KALRN: variants seen among roughly 807,000 people sequenced by gnomAD.
The protein encoded by KALRN is kalirin.
KALRN carries 70 observed loss-of-function variants against 353.7 expected under a neutral mutation model. The observed-to-expected ratio is 0.20, with a 90% CI of 0.16 to 0.24. The LOEUF is 0.24. Among genes scored for constraint, KALRN ranks in the 10% least tolerant of loss-of-function variants. The pLI, the probability that KALRN is intolerant of heterozygous loss-of-function variation, is 1.00. For synonymous variants in KALRN, 1,391 were observed against 1,434.8 expected (o/e 0.97, Z 0.69); for missense variants, 2,791 against 3,756.7 (o/e 0.74, Z 6.72).
chr3:124,044,290 T>C (rs1194270000), intron 1 of KALRN, among the ~76,000 whole-genome samples: 4 of 151,988 alleles, frequency 2.6e-5, no homozygotes, highest in African/African-American at 7.3e-5. Flanking sequence ...CACCAAAGGG[T>C]GGATTGTGGG....
intron 51 of KALRN, among the ~76,000 whole-genome samples, chr3:124,681,699 G>A (rs949248429): frequency 2.9e-5 from 4 of 139,440 alleles, no homozygotes; most frequent in Non-Finnish European, 4.5e-5. Context: ...GTATGACCTC[G>A]GCTTACTGCA....
At chr3:124,246,093 A>G (rs550922139) in intron 3 of KALRN, among the ~76,000 whole-genome samples, 1 of 152,322 alleles carries the variant, frequency 6.6e-6, no homozygotes, top group South Asian at 2.1e-4. Context: ...TCTTTTGGCC[A>G]TATACCTAGA....
intron 1 of KALRN, among the ~76,000 whole-genome samples, chr3:124,129,649 C>G (rs998186015): frequency 6.6e-6 from 1 of 152,176 alleles, no homozygotes; most frequent in Non-Finnish European, 1.5e-5. Context: ...AGAGCTTGGT[C>G]TTCTGTTGTA....
intron 51 of KALRN, among the ~76,000 whole-genome samples, chr3:124,682,293 C>A (rs2061376478): frequency 6.6e-6 from 1 of 152,188 alleles, no homozygotes; most frequent in African/African-American, 2.4e-5. Flanking sequence ...TGGCCCCCAA[C>A]CTCACCCTTG....
At chr3:124,584,224 C>G (rs982895002) in intron 34 of KALRN, among the ~76,000 whole-genome samples, 1 of 151,954 alleles carries the variant, frequency 6.6e-6, no homozygotes, top group Non-Finnish European at 1.5e-5. Context: ...ATATGAGGCA[C>G]TGTTATCATT....
chr3:124,224,997 G>A (rs9840301), intron 1 of KALRN, among the ~76,000 whole-genome samples: 21,220 of 152,114 alleles, frequency 0.14, 2,749 homozygotes, highest in East Asian at 0.64. Flanking sequence ...AATATTTATT[G>A]AACATTTACC....
chr3:124,208,376 C>G (rs2076603296), intron 1 of KALRN, among the ~76,000 whole-genome samples: 1 of 152,100 alleles, frequency 6.6e-6, no homozygotes, highest in Non-Finnish European at 1.5e-5. Flanking sequence ...CCCTTTAAGA[C>G]AAGCAGGATG....
Position 124,725,935 on chromosome 3 carries a change from A to C in KALRN, c.*6465A>C, listed in dbSNP as rs1559898893. 6.6e-6 allele frequency: 1 copy of C among 152,242 alleles called. No individual in the cohort carries two copies. The highest frequency in any genetic ancestry group is 6.5e-5 in the Admixed American group (1 of 15,286). 9.4% of individuals were successfully genotyped at this position (152,242 alleles called of 1,614,324 possible). A position where few individuals can be genotyped will look rare whatever the true frequency, so the allele number is the denominator to read the frequency against. On this transcript the variant is annotated 3_prime_UTR_variant, in exon 60 of 60. Coordinates refer to ENST00000682506, the MANE Select transcript of KALRN (RefSeq NM_001388419.1). ...CCATCGCACATATACATATAAGTAC[A>C]TACTTCCATCAGGCTTGTAACAATT...
At chr3:124,235,994 T>C (rs531330208) in intron 3 of KALRN, among the ~76,000 whole-genome samples, 83 of 152,156 alleles carry the variant, frequency 5.5e-4, no homozygotes, top group African/African-American at 2.0e-3. Flanking sequence ...AAAGAAGAGA[T>C]GAATGTAAAG....
chr3:124,351,655 C>T (rs2082847717), intron 10 of KALRN, among the ~76,000 whole-genome samples: 1 of 152,304 alleles, frequency 6.6e-6, no homozygotes, highest in East Asian at 1.9e-4. Context: ...ATAGTGGAGG[C>T]ATCTGTGATT....
intron 6 of KALRN, among the ~76,000 whole-genome samples, chr3:124,312,743 G>C (rs1015947661): frequency 6.6e-6 from 1 of 152,198 alleles, no homozygotes; most frequent in Non-Finnish European, 1.5e-5. Context: ...GAACAGCAAG[G>C]TTCATGAGAC....
intron 34 of KALRN, among the ~76,000 whole-genome samples, chr3:124,615,666 G>T (rs1660518371): frequency 6.6e-6 from 1 of 152,184 alleles, no homozygotes; most frequent in Non-Finnish European, 1.5e-5. Context: ...AAGTTTTAAA[G>T]AACTGGTGCC....
At chr3:124,337,045 T>C (rs1012942230) in intron 9 of KALRN, among the ~76,000 whole-genome samples, 5 of 152,188 alleles carry the variant, frequency 3.3e-5, no homozygotes, top group African/African-American at 1.2e-4. Context: ...GCTTATCAGC[T>C]TAAGATTTTG....
intron 1 of KALRN, among the ~76,000 whole-genome samples, chr3:124,208,961 G>A (rs368496523): frequency 6.6e-6 from 1 of 151,504 alleles, no homozygotes; most frequent in East Asian, 1.9e-4. Context: ...GTGAGACTCT[G>A]TCTCAATAAT....
At chr3:124,617,765 T>A (rs960198308) in intron 34 of KALRN, among the ~76,000 whole-genome samples, 1 of 152,182 alleles carries the variant, frequency 6.6e-6, no homozygotes, top group Non-Finnish European at 1.5e-5. Flanking sequence ...CAGATGATAC[T>A]GATCTTGCTG....
At chr3:124,239,499 G>C (rs543984850) in intron 3 of KALRN, among the ~76,000 whole-genome samples, 1 of 152,280 alleles carries the variant, frequency 6.6e-6, no homozygotes, top group African/African-American at 2.4e-5. Flanking sequence ...TTCTGCCAAG[G>C]AATGTGGTTA....
intron 1 of KALRN, among the ~76,000 whole-genome samples, chr3:124,071,981 G>T (rs1017817347): frequency 1.3e-5 from 2 of 152,174 alleles, no homozygotes; most frequent in Admixed American, 6.5e-5. Context: ...ATTCCTAAAA[G>T]ACCTCTTGAA....
chr3:124,611,015 C>A (rs562693266), intron 34 of KALRN, among the ~76,000 whole-genome samples: 1 of 152,004 alleles, frequency 6.6e-6, no homozygotes, highest in Non-Finnish European at 1.5e-5. Context: ...CAGAGTGATA[C>A]CCTGTCTCAA....
intron 38 of KALRN, 113 bp downstream of exon 38, chr3:124,651,051 T>C: frequency 5.4e-6 from 7 of 1,306,844 alleles, no homozygotes; most frequent in Non-Finnish European, 5.3e-6. Context: ...ACTGACATCT[T>C]TCATTCTAAG....
Sources: allele counts gnomAD v4.1 joint callset (sites outside exome capture counted in the v4.1 genomes callset), GRCh38; gene constraint gnomAD v4.1.1; transcripts MANE v1.5; gene names NCBI Gene and HGNC (gene_info 2026-07-23, HGNC 2026-07-21).